The following RALYL variants were observed in gnomAD, a reference collection of about 807,000 sequenced individuals.
RALYL encodes RALY RNA binding protein like.
RALYL carries 29 observed loss-of-function variants against 35.1 expected under a neutral mutation model. That is an observed-to-expected ratio of 0.83 (90% CI 0.61 to 1.13). RALYL has a LOEUF of 1.13. RALYL is among the 50% of genes most tolerant of loss of function. RALYL has a pLI of 0.00. For synonymous variants in RALYL, 120 were observed against 127.6 expected, an observed-to-expected ratio of 0.94 and a Z score of 0.40; for missense variants, 359 against 360.4, an observed-to-expected ratio of 1.00 and a Z score of 0.03.
At chr8:84,769,373 G>A (rs1814870248) in intron 2 of RALYL, among the ~76,000 whole-genome samples, 1 of 152,082 alleles carries the variant, frequency 6.6e-6, no homozygotes, top group Non-Finnish European at 1.5e-5. Context: ...GGTTTCTAAT[G>A]ATCTTCTCAC....
intron 1 of RALYL, among the ~76,000 whole-genome samples, chr8:84,395,085 T>C (rs919532195): frequency 1.3e-5 from 2 of 151,874 alleles, no homozygotes; most frequent in Non-Finnish European, 2.9e-5. Flanking sequence ...CCATAACTCA[T>C]AGACAATTGC....
chr8:84,254,544 G>A (rs1830846477), intron 1 of RALYL, among the ~76,000 whole-genome samples: 1 of 151,940 alleles, frequency 6.6e-6, no homozygotes, highest in African/African-American at 2.4e-5. Context: ...CCTTTACTTG[G>A]ATTTAGCTTG....
chr8:84,844,262 A>C (rs1321472752), intron 4 of RALYL, among the ~76,000 whole-genome samples: 1 of 152,240 alleles, frequency 6.6e-6, no homozygotes, highest in East Asian at 1.9e-4. Flanking sequence ...GAACTCAAAC[A>C]AATTTACAAG....
intron 4 of RALYL, among the ~76,000 whole-genome samples, chr8:84,840,520 G>A (rs1276195213): frequency 6.6e-6 from 1 of 152,204 alleles, no homozygotes; most frequent in Non-Finnish European, 1.5e-5. Flanking sequence ...CTGGGAGAAT[G>A]GAACCAAGTT....
intron 6 of RALYL, among the ~76,000 whole-genome samples, chr8:84,871,373 A>T (rs1353798502): frequency 6.6e-6 from 1 of 152,192 alleles, no homozygotes; most frequent in Non-Finnish European, 1.5e-5. Flanking sequence ...TGGGCTAAGG[A>T]GTAGCTCTAG....
chr8:84,468,227 TC>T, intron 1 of RALYL, among the ~76,000 whole-genome samples: 1 of 152,196 alleles, frequency 6.6e-6, no homozygotes, highest in South Asian at 2.1e-4. Flanking sequence ...TGATGCAGTT[TC>T]TTCCTAGTCT....
intron 1 of RALYL, among the ~76,000 whole-genome samples, chr8:84,299,056 G>A (rs1840294508): frequency 6.6e-6 from 1 of 151,926 alleles, no homozygotes; most frequent in Admixed American, 6.6e-5. Flanking sequence ...TATTTCTCTT[G>A]CATGATTGTT....
intron 2 of RALYL, among the ~76,000 whole-genome samples, chr8:84,678,169 C>T (rs1217975580): frequency 6.6e-6 from 1 of 152,170 alleles, no homozygotes; most frequent in Non-Finnish European, 1.5e-5. Flanking sequence ...ATGGACAACT[C>T]TTGATTACTA....
At chr8:84,218,572 A>G (rs1191995294) in intron 1 of RALYL, among the ~76,000 whole-genome samples, 1 of 152,028 alleles carries the variant, frequency 6.6e-6, no homozygotes, top group African/African-American at 2.4e-5. Flanking sequence ...ATGCAGACTG[A>G]TATCAGGAAA....
intron 2 of RALYL, among the ~76,000 whole-genome samples, chr8:84,694,838 T>G (rs1838812714): frequency 1.3e-5 from 2 of 151,876 alleles, no homozygotes; most frequent in Non-Finnish European, 2.9e-5. Flanking sequence ...TTTTTGTATA[T>G]GTTGTATTTG....
chr8:84,617,799 T>C (rs969407842), intron 2 of RALYL, among the ~76,000 whole-genome samples: 1 of 151,704 alleles, frequency 6.6e-6, no homozygotes, highest in Non-Finnish European at 1.5e-5. Context: ...GTTTTTAGCA[T>C]GAAGCGTTGT....
intron 1 of RALYL, among the ~76,000 whole-genome samples, chr8:84,463,802 T>A (rs1421663883): frequency 1.3e-5 from 2 of 152,102 alleles, no homozygotes; most frequent in Non-Finnish European, 2.9e-5. Flanking sequence ...CTTTTTAGTG[T>A]ACCATTCTAT....
At chr8:84,666,774 G>A (rs192469079) in intron 2 of RALYL, among the ~76,000 whole-genome samples, 8 of 152,080 alleles carry the variant, frequency 5.3e-5, no homozygotes, top group African/African-American at 1.9e-4. Flanking sequence ...CCCAGATTTA[G>A]CAAGAAGAAA....
chr8:84,295,143 GAGAGTA>G (rs1839520026), intron 1 of RALYL, among the ~76,000 whole-genome samples: 1 of 152,246 alleles, frequency 6.6e-6, no homozygotes, highest in South Asian at 2.1e-4. Context: ...TTGGGGTGGG[GAGAGTA>G]AAAGTCAGTT....
intron 1 of RALYL, among the ~76,000 whole-genome samples, chr8:84,363,965 T>C (rs1243815808): frequency 6.6e-6 from 1 of 152,166 alleles, no homozygotes; most frequent in Non-Finnish European, 1.5e-5. Context: ...TGTATGTTTG[T>C]TTTTACCAAT....
At chr8:84,192,775 C>G (rs1814240099) in intron 1 of RALYL, among the ~76,000 whole-genome samples, 3 of 151,612 alleles carry the variant, frequency 2.0e-5, no homozygotes. Context: ...CCAGGCTGGT[C>G]TTGAGCTCCT....
chr8:84,391,158 A>G (rs1411080004), intron 1 of RALYL, among the ~76,000 whole-genome samples: 1 of 151,946 alleles, frequency 6.6e-6, no homozygotes, highest in East Asian at 1.9e-4. Context: ...CTTGGATAAC[A>G]TCTCATTGCG....
intron 2 of RALYL, among the ~76,000 whole-genome samples, chr8:84,576,725 C>G (rs1809525957): frequency 6.6e-6 from 1 of 152,114 alleles, no homozygotes; most frequent in Non-Finnish European, 1.5e-5. Flanking sequence ...ACCTATCTGT[C>G]TATTGCTGGA....
At chr8:84,784,059 G>A (rs368420262) in intron 3 of RALYL, among the ~76,000 whole-genome samples, 85 of 151,314 alleles carry the variant, frequency 5.6e-4, no homozygotes, top group African/African-American at 1.9e-3. Context: ...TGCCATTTAA[G>A]GACTGACTAC....
Sources: gnomAD v4.1 joint callset for allele counts (sites outside exome capture counted in the v4.1 genomes callset) on GRCh38, gnomAD v4.1.1 for gene constraint, MANE v1.5 for transcripts, NCBI Gene and HGNC (gene_info 2026-07-23, HGNC 2026-07-21) for gene names.